Variants in MED12L observed in about 807,000 individuals in gnomAD.
MED12L encodes mediator complex subunit 12L.
Under a neutral mutation model 281.3 loss-of-function variants are expected in MED12L, and 60 were observed. The ratio of observed to expected loss-of-function variants is 0.21; its 90% CI spans 0.17 to 0.26. The LOEUF (loss-of-function observed/expected upper bound fraction) is 0.26, where lower values mean the gene tolerates loss of function less well. Among genes scored for constraint, MED12L ranks in the 10% least tolerant of loss-of-function variants. MED12L has a pLI of 1.00. For synonymous variants in MED12L, 974 were observed against 987.2 expected (o/e 0.99, Z 0.25); for missense variants, 2,146 against 2,680.9 (o/e 0.80, Z 4.41).
chr3:151,359,732 C>T (rs931778177), intron 20 of MED12L, among the ~76,000 whole-genome samples: 3 of 151,998 alleles, frequency 2.0e-5, no homozygotes, highest in Non-Finnish European at 2.9e-5. Flanking sequence ...TCTGTGACTC[C>T]GTTAGTGTAA....
chr3:151,357,726 T>A lies in MED12L; in HGVS notation c.2825+350T>A, dbSNP rs111479245. Among the ~76,000 whole-genome samples, 1,023 of 152,326 alleles carry A rather than the reference T, an allele frequency of 6.7e-3. 8 individuals carry two copies. The highest frequency in any genetic ancestry group is 0.023 in the South Asian group (111 of 4,826). On this transcript the variant is annotated intron_variant, in intron 20 of 44. Coordinates refer to ENST00000687756, the MANE Select transcript of MED12L (RefSeq NM_001393769.1). ...ACTTCTTTATTCATGTAATTTCAGTTTATGTTTGCAGACTCAACATCAAAT... is the reference window on the plus strand; with the variant it reads ...ACTTCTTTATTCATGTAATTTCAGTATATGTTTGCAGACTCAACATCAAAT...
intron 16 of MED12L, among the ~76,000 whole-genome samples, chr3:151,244,768 G>A (rs151183072): frequency 0.019 from 2,886 of 152,026 alleles, 30 homozygotes; most frequent in African/African-American, 0.034. Flanking sequence ...AACTAAAATC[G>A]GAGCAGAACT....
At chr3:151,165,395 T>C (rs1412940246) in intron 9 of MED12L, 25 bp from the exon 10 acceptor site, 1 of 1,590,752 alleles carries the variant, frequency 6.3e-7, no homozygotes, top group African/African-American at 1.3e-5. Flanking sequence ...CAAGCACAAG[T>C]TAATTAGAAG....
chr3:151,328,453 C>T, intron 16 of MED12L: 1 of 1,613,870 alleles, frequency 6.2e-7, no homozygotes, highest in African/African-American at 1.3e-5. Flanking sequence ...ATTTCAGCCC[C>T]AGAGGCCCCT....
chr3:151,341,447 T>G (rs999760685), intron 16 of MED12L, among the ~76,000 whole-genome samples: 1 of 152,138 alleles, frequency 6.6e-6, no homozygotes, highest in African/African-American at 2.4e-5. Flanking sequence ...TGGGAAAATA[T>G]AACATTAAAT....
chr3:151,395,008 A>T, intron 39 of MED12L, 141 bp downstream of exon 39: 1 of 1,090,078 alleles, frequency 9.2e-7, no homozygotes, highest in Middle Eastern at 3.1e-4. Flanking sequence ...TCTCTGTTAC[A>T]GGCTTGTAAA....
At chr3:151,214,254 A>G in intron 16 of MED12L, 1 of 1,613,946 alleles carries the variant, frequency 6.2e-7, no homozygotes, top group Non-Finnish European at 8.5e-7. Flanking sequence ...TGATCTGCTG[A>G]GTGATCAGGA....
intron 2 of MED12L, among the ~76,000 whole-genome samples, chr3:151,099,648 G>C (rs566979604): frequency 1.3e-5 from 2 of 152,226 alleles, no homozygotes; most frequent in East Asian, 1.9e-4. Context: ...AAATGTTCTC[G>C]AGAGCTCCAG....
At chr3:151,229,477 T>A (rs1327932460) in intron 16 of MED12L, among the ~76,000 whole-genome samples, 1 of 49,954 alleles carries the variant, frequency 2.0e-5, no homozygotes, top group Non-Finnish European at 5.0e-5. Context: ...CGGCTAATTT[T>A]TTTTTTTTTT....
intron 39 of MED12L, among the ~76,000 whole-genome samples, chr3:151,399,110 A>G (rs1442191968): frequency 1.3e-5 from 2 of 152,186 alleles, no homozygotes; most frequent in African/African-American, 2.4e-5. Context: ...ACTCAGTACA[A>G]TGGTTACACT....
At position 151,435,000 on chromosome 3, in the gene MED12L, AT is replaced by A. The variant is rs930986416; in HGVS notation, c.*2197del. On this transcript the variant is annotated 3_prime_UTR_variant, in exon 45 of 45. Transcript: ENST00000687756. The stretch of plus-strand genomic sequence containing the variant: ...TTTACCCCTGCGCATTATAAAGAAA[AT>A]AACTAGAATTACTTTAGTCTTCAGA... 2.1e-4 allele frequency: 25 copies of A among 117,482 alleles called. No homozygotes were observed. Among genetic ancestry groups the A allele is most frequent in the South Asian group, 2.9e-4 (1 of 3,450 alleles). The allele number at this position is 117,482 out of a possible 1,614,324, so 7.3% of individuals were successfully genotyped here.
At chr3:151,089,073 C>T (rs1719671640) in intron 2 of MED12L, among the ~76,000 whole-genome samples, 1 of 152,074 alleles carries the variant, frequency 6.6e-6, no homozygotes, top group Admixed American at 6.5e-5. Flanking sequence ...TCTACCCTAC[C>T]CCTGTACCAC....
intron 2 of MED12L, among the ~76,000 whole-genome samples, chr3:151,097,062 A>G (rs1720808841): frequency 6.6e-6 from 1 of 152,208 alleles, no homozygotes; most frequent in Admixed American, 6.5e-5. Context: ...GAAGGTTCCC[A>G]GACCTATCTG....
At chr3:151,432,216 TTCTG>T (rs1719612994) in intron 44 of MED12L, among the ~76,000 whole-genome samples, 1 of 152,210 alleles carries the variant, frequency 6.6e-6, no homozygotes, top group Non-Finnish European at 1.5e-5. Flanking sequence ...CATTCCTTGT[TTCTG>T]TATGCATGTG....
At chr3:151,382,463 G>C (rs1042861175) in intron 32 of MED12L, among the ~76,000 whole-genome samples, 193 bp from the exon 33 acceptor site, 3 of 152,018 alleles carry the variant, frequency 2.0e-5, no homozygotes, top group Admixed American at 6.6e-5. Context: ...CCTCCACCTA[G>C]AACGGCAAAT....
At chr3:151,175,008 T>A (rs1721873397) in intron 11 of MED12L, among the ~76,000 whole-genome samples, 1 of 152,234 alleles carries the variant, frequency 6.6e-6, no homozygotes, top group East Asian at 1.9e-4. Context: ...TTTATATGTA[T>A]AAAGATTATA....
At position 151,360,622 on chromosome 3, in the gene MED12L, C is replaced by G. The variant is rs751318708; in HGVS notation, c.2957+17C>G. On this transcript the variant is annotated intron_variant, in intron 21 of 44. Transcript: ENST00000687756. The stretch of plus-strand genomic sequence containing the variant: ...CCTCTTCAGGTGAGTAGAAGAGACT[C>G]AAAAGGACAGAAATAGGATCATGCC... 3 of 1,602,748 alleles carry G rather than the reference C, an allele frequency of 1.9e-6. No homozygotes were observed. The highest frequency in any genetic ancestry group is 2.2e-5 in the South Asian group (2 of 89,216).
chr3:151,275,027 G>C (rs908907661), intron 16 of MED12L, among the ~76,000 whole-genome samples: 9 of 152,140 alleles, frequency 5.9e-5, no homozygotes, highest in Non-Finnish European at 1.2e-4. Context: ...CTTAGGGCTC[G>C]ACTCACTGGG....
intron 16 of MED12L, among the ~76,000 whole-genome samples, chr3:151,233,266 T>G (rs1056928411): frequency 6.6e-6 from 1 of 152,234 alleles, no homozygotes; most frequent in African/African-American, 2.4e-5. Context: ...TACGCTGTCT[T>G]GTCATCTCTT....
Sources: gnomAD v4.1 joint callset for allele counts (sites outside exome capture counted in the v4.1 genomes callset) on GRCh38, gnomAD v4.1.1 for gene constraint, MANE v1.5 for transcripts, NCBI Gene and HGNC (gene_info 2026-07-23, HGNC 2026-07-21) for gene names.